The following TECPR2 variants were observed in gnomAD, a reference collection of about 807,000 sequenced individuals.
TECPR2 encodes the protein tectonin beta-propeller repeat-containing protein 2.
TECPR2 carries 65 observed loss-of-function variants against 138.1 expected under a neutral mutation model. The ratio of observed to expected loss-of-function variants is 0.47; its 90% CI spans 0.39 to 0.58. TECPR2 has a LOEUF of 0.58. TECPR2 is among the 20% of genes least tolerant of loss of function. The pLI, the probability that TECPR2 is intolerant of heterozygous loss-of-function variation, is 0.00. For synonymous variants in TECPR2, 746 were observed against 749.8 expected (o/e 0.99, Z 0.08); for missense variants, 1,553 against 1,824.5 (o/e 0.85, Z 2.71).
intron 10 of TECPR2, among the ~76,000 whole-genome samples, chr14:102,438,863 CTT>C (rs1238082552): frequency 2.6e-4 from 34 of 128,564 alleles, no homozygotes; most frequent in Non-Finnish European, 2.7e-4. Flanking sequence ...TTCTTTCTTT[CTT>C]TTTTTTTTTT....
At chr14:102,455,969 G>C (rs938610846) in intron 16 of TECPR2, among the ~76,000 whole-genome samples, 4 of 152,164 alleles carry the variant, frequency 2.6e-5, no homozygotes, top group African/African-American at 7.2e-5. Flanking sequence ...GGCCAGGCTA[G>C]TCTTGAACTC....
intron 10 of TECPR2, 56 bp downstream of exon 10, chr14:102,438,261 C>T (rs1889734372): frequency 4.5e-6 from 7 of 1,551,586 alleles, no homozygotes; most frequent in South Asian, 2.4e-5. Context: ...GCTCCTGCTC[C>T]CCGCCCCCGG....
At chr14:102,422,032 G>A (rs1216365848) in intron 5 of TECPR2, among the ~76,000 whole-genome samples, 1 of 152,094 alleles carries the variant, frequency 6.6e-6, no homozygotes. Flanking sequence ...CAGTGGGAGT[G>A]TAGATTGTAT....
At chr14:102,373,510 G>A (rs1280352785) in intron 1 of TECPR2, among the ~76,000 whole-genome samples, 3 of 152,204 alleles carry the variant, frequency 2.0e-5, no homozygotes, top group African/African-American at 4.8e-5. Flanking sequence ...GCTAGGCTAA[G>A]CTAAGATGTT....
At chr14:102,405,289 A>G (rs527729774) in intron 2 of TECPR2, among the ~76,000 whole-genome samples, 91 of 152,306 alleles carry the variant, frequency 6.0e-4, no homozygotes, top group Non-Finnish European at 1.2e-3. Context: ...AGCCTGGGCA[A>G]CAGAGCGAGG....
At chr14:102,477,802 G>A (rs1177576845) in intron 17 of TECPR2, among the ~76,000 whole-genome samples, 4 of 143,200 alleles carry the variant, frequency 2.8e-5, no homozygotes, top group African/African-American at 7.7e-5. Context: ...AGGCGTGGTG[G>A]CGGGCGCCTG....
intron 17 of TECPR2, among the ~76,000 whole-genome samples, chr14:102,496,219 C>T (rs542547353): frequency 2.6e-5 from 4 of 152,346 alleles, no homozygotes; most frequent in African/African-American, 9.6e-5. Context: ...CAGTGGGGGA[C>T]AGCCAGCCCC....
chr14:102,424,347 T>G (rs1337743721), intron 5 of TECPR2, among the ~76,000 whole-genome samples: 8 of 152,202 alleles, frequency 5.3e-5, no homozygotes, highest in African/African-American at 1.7e-4. Flanking sequence ...TGTTGTTGTT[T>G]TTGAAGCAGA....
chr14:102,415,382 G>T lies in TECPR2; in HGVS notation c.638+589G>T, dbSNP rs1253028831. ...CAGGGAAGACATCCTGAAGGCATGG[G>T]TTCCAGGTTGAGAGATCATTCCTCC... On this transcript the variant is annotated intron_variant, in intron 5 of 19. Coordinates refer to ENST00000359520, the MANE Select transcript of TECPR2 (RefSeq NM_014844.5). This position sits in a 1 kb window ranked among gnomAD's most constrained non-coding sequence, Gnocchi z 4.3. Among the ~76,000 whole-genome samples, 1 of 152,178 alleles carries T rather than the reference G, an allele frequency of 6.6e-6. No homozygotes were observed. The highest frequency in any genetic ancestry group is 1.5e-5 in the Non-Finnish European group (1 of 68,028).
rs201649482 is a variant in TECPR2 at position 102,384,676 on chromosome 14, C to CAA, written c.219+7744_219+7745dup. On this transcript the variant is annotated intron_variant, in intron 2 of 19. Coordinates refer to ENST00000359520, the MANE Select transcript of TECPR2 (RefSeq NM_014844.5). ...TGGGTGATGGAGCAAGACACCACCTCAAAAAAAAATATATATATATATATG... is the reference window on the plus strand; with the variant it reads ...TGGGTGATGGAGCAAGACACCACCTCAAAAAAAAAAATATATATATATATATG... Among the ~76,000 whole-genome samples the CAA allele has an allele frequency of 4.2e-3, 566 of 135,900 alleles. 7 individuals are homozygous for CAA. The highest frequency in any genetic ancestry group is 0.026 in the South Asian group (110 of 4,232). The allele number at this position is 135,900 out of a possible 152,430, so 89.2% of individuals were successfully genotyped here. A position where few individuals can be genotyped will look rare whatever the true frequency, so the allele number is the denominator to read the frequency against.
chr14:102,415,058 G>A lies in TECPR2; in HGVS notation c.638+265G>A, dbSNP rs146629000. Among the ~76,000 whole-genome samples, 10 of 152,302 alleles carry A rather than the reference G, an allele frequency of 6.6e-5. No homozygotes were observed. The highest frequency in any genetic ancestry group is 1.9e-4 in the East Asian group (1 of 5,174). Reference sequence around the variant, plus strand: ...TGCCTCTCAGGGTGCCACAGTCAGCGCAGAGAAGCCTCAGGGGTGGCCTGG... The same window carrying A: ...TGCCTCTCAGGGTGCCACAGTCAGCACAGAGAAGCCTCAGGGGTGGCCTGG... On this transcript the variant is annotated intron_variant, in intron 5 of 19. Transcript: ENST00000359520. This position sits in a 1 kb window ranked among gnomAD's most constrained non-coding sequence, Gnocchi z 4.3.
At chr14:102,493,551 TAGCCAAACAA>T (rs1302195211) in intron 17 of TECPR2, among the ~76,000 whole-genome samples, 1 of 152,244 alleles carries the variant, frequency 6.6e-6, no homozygotes, top group East Asian at 1.9e-4. Flanking sequence ...GGGGGTTCCA[TAGCCAAACAA>T]GTTAAGCTAA....
At chr14:102,470,094 C>T (rs1223144899) in intron 17 of TECPR2, among the ~76,000 whole-genome samples, 1 of 152,128 alleles carries the variant, frequency 6.6e-6, no homozygotes, top group East Asian at 1.9e-4. Context: ...CAAGGTAATG[C>T]TGCTGGCCTC....
At chr14:102,490,783 C>T (rs1765283270) in intron 17 of TECPR2, among the ~76,000 whole-genome samples, 1 of 152,250 alleles carries the variant, frequency 6.6e-6, no homozygotes, top group Non-Finnish European at 1.5e-5. Flanking sequence ...ATTGCACCAG[C>T]GTCCGGAACG....
chr14:102,373,659 G>T (rs1887566579), intron 1 of TECPR2, among the ~76,000 whole-genome samples: 1 of 152,100 alleles, frequency 6.6e-6, no homozygotes, highest in Admixed American at 6.5e-5. Flanking sequence ...GCAAAAGAGG[G>T]TGGATTGGGT....
chr14:102,437,881 G>C, intron 9 of TECPR2, 141 bp from the exon 10 acceptor site: 5 of 942,032 alleles, frequency 5.3e-6, no homozygotes, highest in Non-Finnish European at 8.0e-6. Context: ...GCAGGGGTTG[G>C]GAGAAGGGTT....
intron 18 of TECPR2, among the ~76,000 whole-genome samples, 192 bp downstream of exon 18, chr14:102,497,312 G>A (rs1359116001): frequency 6.6e-6 from 1 of 152,242 alleles, no homozygotes; most frequent in African/African-American, 2.4e-5. Flanking sequence ...AGGCCGTCCT[G>A]CTGGTGCTTT....
chr14:102,376,537 T>A lies in TECPR2; in HGVS notation c.-72-113T>A, dbSNP rs929153130. The A allele has an allele frequency of 5.0e-6, 3 of 603,204 alleles. No individual in the cohort carries two copies. The African/African-American group carries it at 5.6e-5, about 11-fold the overall frequency. The allele number at this position is 603,204 out of a possible 1,614,324, so 37.4% of individuals were successfully genotyped here. ...ACACGTGTTTACTTTCCCTGTTTAT[T>A]TAAGCTCCAGCTATAATGTTTACCT... is the stretch of plus-strand genomic sequence containing the variant. On this transcript the variant is annotated intron_variant, in intron 1 of 19. Transcript: ENST00000359520.
chr14:102,404,691 C>T (rs1888605981), intron 2 of TECPR2, among the ~76,000 whole-genome samples: 1 of 151,882 alleles, frequency 6.6e-6, no homozygotes, highest in Non-Finnish European at 1.5e-5. Flanking sequence ...ATGCTCCTGC[C>T]TCAGCCTCCC....
Sources: gnomAD v4.1 joint callset for allele counts (sites outside exome capture counted in the v4.1 genomes callset) on GRCh38, gnomAD v4.1.1 for gene constraint, Gnocchi (gnomAD v3.1) non-coding constraint, MANE v1.5 for transcripts, NCBI Gene and HGNC (gene_info 2026-07-23, HGNC 2026-07-21) for gene names.